The following FZD6 variants were observed in gnomAD, a reference collection of about 807,000 sequenced individuals.
FZD6 encodes frizzled-6.
FZD6 carries 49 observed loss-of-function variants against 61.4 expected under a neutral mutation model. That is an observed-to-expected ratio of 0.80 (90% confidence interval 0.63 to 1.01). FZD6 has a LOEUF of 1.01. Ranked by LOEUF, FZD6 falls within the 50% of genes least tolerant of loss-of-function variation. The pLI is 0.00. For missense variants in FZD6, 724 were observed against 848.2 expected (o/e 0.85, Z 1.82); for synonymous variants, 265 against 292.2 (o/e 0.91, Z 0.95).
At chr8:103,320,563 C>T (rs1359904356) in intron 3 of FZD6, among the ~76,000 whole-genome samples, 1 of 151,222 alleles carries the variant, frequency 6.6e-6, no homozygotes, top group Non-Finnish European at 1.5e-5. Context: ...TGTATGGAGA[C>T]AAGCTGGAGG....
At chr8:103,306,187 A>G (rs962488636) in intron 2 of FZD6, among the ~76,000 whole-genome samples, 1 of 152,226 alleles carries the variant, frequency 6.6e-6, no homozygotes, top group Non-Finnish European at 1.5e-5. Flanking sequence ...CCTCACAAGA[A>G]ATAGTTTAAA....
At chr8:103,302,588 T>C (rs1249914817) in intron 2 of FZD6, among the ~76,000 whole-genome samples, 1 of 152,188 alleles carries the variant, frequency 6.6e-6, no homozygotes, top group African/African-American at 2.4e-5. Flanking sequence ...GACCATAATG[T>C]CATCTTTAAC....
chr8:103,302,524 G>A (rs1814201665), intron 2 of FZD6, among the ~76,000 whole-genome samples: 1 of 152,126 alleles, frequency 6.6e-6, no homozygotes, highest in Non-Finnish European at 1.5e-5. Context: ...ACCCAGAAAA[G>A]CTGCGATTTG....
At chr8:103,326,770 A>C (rs1247667062) in intron 4 of FZD6, among the ~76,000 whole-genome samples, 2 of 151,840 alleles carry the variant, frequency 1.3e-5, no homozygotes, top group African/African-American at 4.8e-5. Flanking sequence ...ATGACATCAT[A>C]GCTGAAAGGC....
rs749500056 is a variant in FZD6, at chr8:103,329,810, C to A, written c.1697C>A (p.Ala566Glu). ...ATGGGAACCAGCACAGGAGCTACAG[C>A]AAATCATGGCACTTCTGCAGTAGCA... Reference protein sequence around the residue: ...KSMGTSTGATANHGTSAVAIT... With the variant: ...KSMGTSTGATENHGTSAVAIT... Residue 566 changes from alanine to glutamate, a missense_variant, in exon 6 of 7, where the codon GCA becomes GAA. Transcript: ENST00000358755. 2 of 1,614,126 alleles carry A rather than the reference C, an allele frequency of 1.2e-6. No homozygotes were observed. Among genetic ancestry groups the A allele is most frequent in the Non-Finnish European group, 1.7e-6 (2 of 1,179,958 alleles).
At chr8:103,304,107 T>C (rs528773373) in intron 2 of FZD6, among the ~76,000 whole-genome samples, 10 of 152,366 alleles carry the variant, frequency 6.6e-5, no homozygotes, top group African/African-American at 2.2e-4. Flanking sequence ...CTATTGAATT[T>C]CCAGGATTCA....
chr8:103,307,167 T>C (rs991217371), intron 2 of FZD6, among the ~76,000 whole-genome samples: 1 of 152,222 alleles, frequency 6.6e-6, no homozygotes, highest in Non-Finnish European at 1.5e-5. Context: ...TAGGTTATGC[T>C]TTATATATTT....
intron 2 of FZD6, among the ~76,000 whole-genome samples, chr8:103,306,901 G>C (rs1337465857): frequency 2.0e-5 from 3 of 152,010 alleles, no homozygotes; most frequent in Admixed American, 2.0e-4. Context: ...TGCCAATTTA[G>C]AGCAAGAAAT....
chr8:103,306,946 T>C (rs1232235839), intron 2 of FZD6, among the ~76,000 whole-genome samples: 2 of 152,204 alleles, frequency 1.3e-5, no homozygotes, highest in Admixed American at 6.5e-5. Context: ...TTACTGTGTA[T>C]GTCACCATGA....
intron 2 of FZD6, among the ~76,000 whole-genome samples, chr8:103,311,414 A>C (rs765547049): frequency 2.0e-4 from 30 of 152,236 alleles, no homozygotes; most frequent in Middle Eastern, 3.4e-3. Context: ...TCCCCCAAAT[A>C]GTAAATATTC....
At chr8:103,313,207 T>C (rs1277494404) in intron 2 of FZD6, among the ~76,000 whole-genome samples, 1 of 152,212 alleles carries the variant, frequency 6.6e-6, no homozygotes, top group Non-Finnish European at 1.5e-5. Flanking sequence ...AAATGGTATA[T>C]GAAAAAGCAC....
rs1286310749 is a variant in FZD6 at position 103,332,121 on chromosome 8, C to G, written c.*612C>G. 6.6e-6 allele frequency: 1 copy of G among 152,514 alleles called. No homozygotes were observed. The allele number at this position is 152,514 out of a possible 1,614,324, so 9.4% of individuals were successfully genotyped here. ...AAAAACCCACTTATTGATACCTTAC[C>G]ATCTAAAATGTGTGATTTTTATAGT... is the stretch of plus-strand genomic sequence containing the variant. On this transcript the variant is annotated 3_prime_UTR_variant, in exon 7 of 7. Coordinates refer to ENST00000358755, the MANE Select transcript of FZD6 (RefSeq NM_003506.4).
At chr8:103,307,039 T>C (rs890227686) in intron 2 of FZD6, among the ~76,000 whole-genome samples, 1 of 152,186 alleles carries the variant, frequency 6.6e-6, no homozygotes, top group Non-Finnish European at 1.5e-5. Flanking sequence ...CTTGCTTCCA[T>C]GTACCAGTGG....
At chr8:103,309,898 C>G (rs1814445755) in intron 2 of FZD6, among the ~76,000 whole-genome samples, 2 of 152,218 alleles carry the variant, frequency 1.3e-5, no homozygotes, top group Non-Finnish European at 2.9e-5. Context: ...AATTAACAGT[C>G]TTACAACTAG....
Position 103,325,066 on chromosome 8 carries a change from C to G in FZD6, c.960C>G (p.Ile320Met). 1 of 1,614,130 alleles carries G rather than the reference C, an allele frequency of 6.2e-7. No individual in the cohort carries two copies. Among genetic ancestry groups the G allele is most frequent in the Non-Finnish European group, 8.5e-7 (1 of 1,179,982 alleles). ...AAGRKWSCEAIEQKAVWFHAV... is the reference protein window; with the variant it reads ...AAGRKWSCEAMEQKAVWFHAV... ...GAAGAAAATGGAGTTGTGAAGCCAT[C>G]GAGCAAAAAGCAGTGTGGTTTCATG... The change falls in exon 4 of 7, where the codon ATC becomes ATG. Residue 320 changes from isoleucine (I) to methionine (M), a missense_variant. By Grantham distance (10) the Ile-to-Met change is conservative (BLOSUM62 1). Transcript: ENST00000358755.
Position 103,324,681 on chromosome 8 carries a change from GT to G in FZD6, c.576del (p.Ser192ArgfsTer4), listed in dbSNP as rs1814889581. On this transcript the variant is annotated frameshift_variant, in exon 4 of 7. Transcript: ENST00000358755. LOFTEE classifies it high-confidence loss of function. The stretch of plus-strand genomic sequence containing the variant: ...CCATGCCCCAACATGTATTTTAAAA[GT>G]GATGAGCTAGAGTTTGCAAAAAGTT... The part of the protein sequence containing the change: ...APPCPNMYFK[S>X]DELEFAKSFI... The G allele has an allele frequency of 6.2e-7, 1 of 1,614,020 alleles. No homozygotes were observed.
In FZD6 at chr8:103,325,053, G is replaced by A; in HGVS notation, c.947G>A (p.Ser316Asn). 6.2e-7 allele frequency: 1 copy of A among 1,614,188 alleles called. No homozygotes were observed. Among genetic ancestry groups the A allele is most frequent in the Middle Eastern group, 1.6e-4 (1 of 6,062 alleles). ...TWFLAAGRKW[S>N]CEAIEQKAVW... ...TTCTTAGCTGCAGGAAGAAAATGGA[G>A]TTGTGAAGCCATCGAGCAAAAAGCA... The change falls in exon 4 of 7, where the codon AGT becomes AAT. Residue 316 changes from serine (S) to asparagine (N), a missense_variant. Transcript: ENST00000358755.
intron 4 of FZD6, among the ~76,000 whole-genome samples, chr8:103,327,320 T>G (rs371582863): frequency 9.8e-5 from 15 of 152,296 alleles, no homozygotes; most frequent in African/African-American, 3.4e-4. Flanking sequence ...TCTGGCCGGG[T>G]GCGGTGGCTT....
At position 103,330,083 on chromosome 8, in the gene FZD6, G is replaced by T. The variant is rs781042338; in HGVS notation, c.1952+18G>T. On this transcript the variant is annotated intron_variant, in intron 6 of 6. Coordinates refer to ENST00000358755, the MANE Select transcript of FZD6 (RefSeq NM_003506.4). ...GAAGGAAGGTGAGATTTGATTTTAT[G>T]TAAAATCATCACTATTTTAAATACT... 1 of 1,594,906 alleles carries T rather than the reference G, an allele frequency of 6.3e-7. No individual in the cohort carries two copies. Among genetic ancestry groups the T allele is most frequent in the South Asian group, 1.1e-5 (1 of 90,646 alleles).
Sources: allele counts gnomAD v4.1 joint callset (sites outside exome capture counted in the v4.1 genomes callset), GRCh38; gene constraint gnomAD v4.1.1; transcripts MANE v1.5; gene names NCBI Gene and HGNC (gene_info 2026-07-23, HGNC 2026-07-21).